Variants in MTDH observed in about 807,000 individuals in gnomAD.
MTDH encodes protein LYRIC.
MTDH carries 34 observed loss-of-function variants against 72.7 expected under a neutral mutation model. The observed-to-expected ratio is 0.47, with a 90% CI of 0.36 to 0.62. The LOEUF (loss-of-function observed/expected upper bound fraction) is 0.62, where lower values mean the gene tolerates loss of function less well. Among genes scored for constraint, MTDH ranks in the 20% least tolerant of loss-of-function variants. The pLI, the probability that MTDH is intolerant of heterozygous loss-of-function variation, is 0.00. For synonymous variants in MTDH, 266 were observed against 268.9 expected, an observed-to-expected ratio of 0.99 and a Z score of 0.10; for missense variants, 677 against 699.4, an observed-to-expected ratio of 0.97 and a Z score of 0.36.
At chr8:97,677,490 C>CAAAAAAAAA (rs934211630) in intron 2 of MTDH, among the ~76,000 whole-genome samples, 1 of 77,188 alleles carries the variant, frequency 1.3e-5, no homozygotes. Flanking sequence ...GACTCCATCT[C>CAAAAAAAAA]AAAAAAAAAA....
intron 1 of MTDH, among the ~76,000 whole-genome samples, chr8:97,658,980 A>G (rs1004770622): frequency 2.0e-5 from 3 of 151,964 alleles, no homozygotes; most frequent in Non-Finnish European, 4.4e-5. Context: ...CGTCTCTACT[A>G]AAAATACAAA....
intron 2 of MTDH, among the ~76,000 whole-genome samples, chr8:97,667,827 A>C (rs943011960): frequency 8.0e-6 from 1 of 125,114 alleles, no homozygotes; most frequent in Non-Finnish European, 1.6e-5. Flanking sequence ...CCCTGTCTCT[A>C]TATTAAAAAA....
intron 2 of MTDH, among the ~76,000 whole-genome samples, chr8:97,676,733 G>T (rs763883394): frequency 6.6e-6 from 1 of 151,992 alleles, no homozygotes; most frequent in Non-Finnish European, 1.5e-5. Flanking sequence ...GCCAGGTGTG[G>T]TGGCTCATGC....
At chr8:97,672,944 C>T (rs1002683383) in intron 2 of MTDH, among the ~76,000 whole-genome samples, 7 of 152,052 alleles carry the variant, frequency 4.6e-5, no homozygotes, top group African/African-American at 7.2e-5. Context: ...ATGACTTGGA[C>T]GATGGATCAT....
intron 2 of MTDH, among the ~76,000 whole-genome samples, chr8:97,668,544 TTCC>T (rs2130950621): frequency 6.6e-6 from 1 of 151,794 alleles, no homozygotes; most frequent in South Asian, 2.1e-4. Context: ...CAATTTCAGA[TTCC>T]ACACTGTAAC....
intron 11 of MTDH, among the ~76,000 whole-genome samples, chr8:97,723,988 A>C (rs1815252309): frequency 6.6e-6 from 1 of 151,964 alleles, no homozygotes; most frequent in South Asian, 2.1e-4. Flanking sequence ...GAACATCTGT[A>C]ATCGCAGCTA....
chr8:97,706,785 A>C (rs1814372899), intron 8 of MTDH, 35 bp downstream of exon 8: 5 of 1,595,644 alleles, frequency 3.1e-6, no homozygotes, highest in African/African-American at 1.3e-5. Context: ...TTTATTTGTT[A>C]ATGAAAGAGA....
chr8:97,690,849 A>G, intron 5 of MTDH, 103 bp from the exon 6 acceptor site: 2 of 792,872 alleles, frequency 2.5e-6, no homozygotes, highest in Non-Finnish European at 3.9e-6. Flanking sequence ...TAGTAGGGGA[A>G]GTGAGTAATA....
Position 97,669,655 on chromosome 8 carries a change from G to C in MTDH, c.483+8482G>C, listed in dbSNP as rs1812532859. ...ACTCCCGCCAATCACAGTGGCTCAT[G>C]CCTGTAATCCCAGCACTTTGGGAGG... On this transcript the variant is annotated intron_variant, in intron 2 of 11. Coordinates refer to ENST00000336273, the MANE Select transcript of MTDH (RefSeq NM_178812.4). 2.0e-5 allele frequency among the ~76,000 whole-genome samples: 3 copies of C among 151,996 alleles called. No individual in the cohort carries two copies. The South Asian group carries it at 6.3e-4, about 32-fold the overall frequency.
intron 6 of MTDH, among the ~76,000 whole-genome samples, chr8:97,692,129 C>T (rs1367914296): frequency 6.6e-6 from 1 of 152,232 alleles, no homozygotes; most frequent in South Asian, 2.1e-4. Flanking sequence ...GATCTGCCAG[C>T]CTCGGCCTCC....
At chr8:97,707,802 A>C (rs1303612428) in intron 8 of MTDH, among the ~76,000 whole-genome samples, 28 of 151,954 alleles carry the variant, frequency 1.8e-4, no homozygotes. Context: ...AGTCCCAGCT[A>C]TTCAGGGGGC....
chr8:97,644,758 C>T lies in MTDH; in HGVS notation c.252C>T (p.Ser84=), dbSNP rs977633763. The change falls in exon 1 of 12, where the codon AGC becomes AGT. Residue 84 remains serine (S), a synonymous_variant. Transcript: ENST00000336273. ...CCGGCGCCCGCAAAAAGCGGAGGAGCCCGCCCCGCAAGCGGGAGGAGGCGG... is the reference window on the plus strand; with the variant it reads ...CCGGCGCCCGCAAAAAGCGGAGGAGTCCGCCCCGCAAGCGGGAGGAGGCGG... ...ACAGARKKRR[S]PPRKREEAAA... The T allele has an allele frequency of 6.4e-7, 1 of 1,565,290 alleles. No individual in the cohort carries two copies.
chr8:97,661,250 A>G, intron 2 of MTDH, 77 bp downstream of exon 2: 3 of 1,054,498 alleles, frequency 2.8e-6, no homozygotes, highest in Non-Finnish European at 4.2e-6. Flanking sequence ...TTTCTGTTTC[A>G]TAAGATTGTA....
At chr8:97,670,827 G>A (rs2130956249) in intron 2 of MTDH, among the ~76,000 whole-genome samples, 1 of 152,118 alleles carries the variant, frequency 6.6e-6, no homozygotes, top group African/African-American at 2.4e-5. Context: ...TGCAATCTCG[G>A]GTCACTGCAA....
chr8:97,702,604 CATA>C (rs1237100183), intron 7 of MTDH, among the ~76,000 whole-genome samples: 4 of 152,220 alleles, frequency 2.6e-5, no homozygotes, highest in Admixed American at 2.0e-4. Flanking sequence ...GAATGTCTAA[CATA>C]ATTGTTTTCT....
At chr8:97,720,054 A>G (rs575356568) in intron 10 of MTDH, among the ~76,000 whole-genome samples, 6 of 152,208 alleles carry the variant, frequency 3.9e-5, no homozygotes, top group Non-Finnish European at 5.9e-5. Flanking sequence ...TGGGAGGCCA[A>G]GGTGGGTGGA....
intron 2 of MTDH, among the ~76,000 whole-genome samples, chr8:97,661,514 A>C (rs1812170827): frequency 2.0e-5 from 3 of 152,230 alleles, no homozygotes; most frequent in Admixed American, 2.0e-4. Flanking sequence ...GAATTGTGTT[A>C]CCTTTGTTAG....
At position 97,644,208 on chromosome 8, in the gene MTDH, A is replaced by C; in HGVS notation, c.-299A>C. On this transcript the variant is annotated 5_prime_UTR_variant, in exon 1 of 12. Coordinates refer to ENST00000336273, the MANE Select transcript of MTDH (RefSeq NM_178812.4). ...CAAGCCGCCATTGTTCCGCCGAGGGAGGACAGCGGGGCCTGGCGCTGGCGC... is the reference window on the plus strand; with the variant it reads ...CAAGCCGCCATTGTTCCGCCGAGGGCGGACAGCGGGGCCTGGCGCTGGCGC... The C allele has an allele frequency of 2.7e-6, 1 of 374,660 alleles. No individual in the cohort carries two copies. The highest frequency in any genetic ancestry group is 4.8e-6 in the Non-Finnish European group (1 of 209,154). The allele number at this position is 374,660 out of a possible 1,614,324, so 23.2% of individuals were successfully genotyped here. A position where few individuals can be genotyped will look rare whatever the true frequency, so the allele number is the denominator to read the frequency against.
At position 97,690,148 on chromosome 8, in the gene MTDH, C is replaced by T. The variant is rs563456430; in HGVS notation, c.812-804C>T. Among the ~76,000 whole-genome samples the T allele has an allele frequency of 4.6e-5, 7 of 152,114 alleles. No individual in the cohort carries two copies. The South Asian group carries it at 8.3e-4, about 18-fold the overall frequency. On this transcript the variant is annotated intron_variant, in intron 5 of 11. Transcript: ENST00000336273. ...CTGGGATTACAGGCACTTGCAACTACGCCTGGCTAATTTTGTGTTTTTAGT... is the reference window on the plus strand; with the variant it reads ...CTGGGATTACAGGCACTTGCAACTATGCCTGGCTAATTTTGTGTTTTTAGT...
Sources: allele counts gnomAD v4.1 joint callset (sites outside exome capture counted in the v4.1 genomes callset), GRCh38; gene constraint gnomAD v4.1.1; transcripts MANE v1.5; gene names NCBI Gene and HGNC (gene_info 2026-07-23, HGNC 2026-07-21).